Variants in ARHGAP15 observed in about 807,000 individuals in gnomAD.
ARHGAP15 encodes Rho GTPase activating protein 15, also known as rho GTPase-activating protein 15.
A neutral mutation model predicts 63.7 loss-of-function variants in ARHGAP15; 51 were observed. The observed-to-expected ratio is 0.80, with a 90% confidence interval of 0.64 to 1.01. The LOEUF (loss-of-function observed/expected upper bound fraction) is 1.01. ARHGAP15 is among the 50% of genes least tolerant of loss of function. The pLI is 0.00. For missense variants in ARHGAP15, 560 were observed against 564.6 expected (o/e 0.99, Z 0.08); for synonymous variants, 191 against 193.8 (o/e 0.99, Z 0.12).
At chr2:143,546,408 C>T (rs1324503519) in intron 10 of ARHGAP15, among the ~76,000 whole-genome samples, 2 of 151,880 alleles carry the variant, frequency 1.3e-5, no homozygotes, top group Non-Finnish European at 2.9e-5. Context: ...TGTTGGTGAG[C>T]CTTTTATTGT....
intron 6 of ARHGAP15, among the ~76,000 whole-genome samples, chr2:143,264,330 A>T (rs1680887354): frequency 6.6e-6 from 1 of 152,038 alleles, no homozygotes; most frequent in Non-Finnish European, 1.5e-5. Flanking sequence ...AATGGGAAGG[A>T]TATTTTTGCT....
chr2:143,512,612 T>C (rs1693639006), intron 9 of ARHGAP15, among the ~76,000 whole-genome samples: 1 of 152,232 alleles, frequency 6.6e-6, no homozygotes, highest in Non-Finnish European at 1.5e-5. Flanking sequence ...GAAACGTTTG[T>C]CCAATGCTAC....
chr2:143,461,948 C>T (rs1167841510), intron 8 of ARHGAP15, among the ~76,000 whole-genome samples: 2 of 152,058 alleles, frequency 1.3e-5, no homozygotes, highest in South Asian at 2.1e-4. Context: ...TAAGGCTGAT[C>T]GCTTGAGCAG....
At chr2:143,253,351 C>T (rs1457012930) in intron 6 of ARHGAP15, among the ~76,000 whole-genome samples, 1 of 151,922 alleles carries the variant, frequency 6.6e-6, no homozygotes, top group Non-Finnish European at 1.5e-5. Context: ...ACATTTGTGA[C>T]AACCAAAAAT....
rs55804357 is a variant in ARHGAP15, at chr2:143,323,894, C to CAAAAAAAAAA, written c.474+73314_474+73323dup. 4.6e-4 allele frequency among the ~76,000 whole-genome samples: 12 copies of CAAAAAAAAAA among 26,172 alleles called. 1 individual carries two copies. Among genetic ancestry groups the CAAAAAAAAAA allele is most frequent in the African/African-American group, 2.1e-3 (11 of 5,276 alleles). The allele number at this position is 26,172 out of a possible 152,430, so 17.2% of individuals were successfully genotyped here. A position where few individuals can be genotyped will look rare whatever the true frequency, so the allele number is the denominator to read the frequency against. ...TGGGTGACAGAGCAAGACTCCGTCT[C>CAAAAAAAAAA]AAAAAAAAAAAAAAAAAAAAAAAAA... On this transcript the variant is annotated intron_variant, in intron 6 of 13. Coordinates refer to ENST00000295095, the MANE Select transcript of ARHGAP15 (RefSeq NM_018460.4).
chr2:143,646,131 A>G (rs1680865909), intron 12 of ARHGAP15, among the ~76,000 whole-genome samples: 1 of 152,088 alleles, frequency 6.6e-6, no homozygotes, highest in Admixed American at 6.6e-5. Flanking sequence ...GGGGAAACAG[A>G]CATGTGATGA....
intron 9 of ARHGAP15, among the ~76,000 whole-genome samples, chr2:143,507,791 C>G (rs1693389483): frequency 6.6e-6 from 1 of 152,156 alleles, no homozygotes; most frequent in South Asian, 2.1e-4. Context: ...CACCTGGGAT[C>G]ACCCCCGCTT....
At chr2:143,625,871 T>C (rs979649083) in intron 12 of ARHGAP15, among the ~76,000 whole-genome samples, 27 of 152,162 alleles carry the variant, frequency 1.8e-4, no homozygotes, top group African/African-American at 6.3e-4. Flanking sequence ...GGAAATATAC[T>C]TCGGTATGTG....
chr2:143,537,500 T>G (rs1208684057), intron 10 of ARHGAP15, among the ~76,000 whole-genome samples: 1 of 152,242 alleles, frequency 6.6e-6, no homozygotes, highest in Non-Finnish European at 1.5e-5. Flanking sequence ...TCTAGAGTTT[T>G]TATGGTTTTA....
intron 1 of ARHGAP15, among the ~76,000 whole-genome samples, chr2:143,134,858 C>T (rs1211797076): frequency 5.3e-5 from 8 of 151,474 alleles, no homozygotes; most frequent in Non-Finnish European, 1.0e-4. Flanking sequence ...AGGATGGTGT[C>T]GATCTCCTGA....
intron 6 of ARHGAP15, among the ~76,000 whole-genome samples, chr2:143,346,194 TCTCTCTCTCA>T (rs1558909488): frequency 2.2e-5 from 3 of 138,154 alleles, no homozygotes; most frequent in East Asian, 4.2e-4. Flanking sequence ...ACACACACAC[TCTCTCTCTCA>T]CACACACACT....
At chr2:143,217,874 T>C (rs985216700) in intron 4 of ARHGAP15, among the ~76,000 whole-genome samples, 3 of 152,154 alleles carry the variant, frequency 2.0e-5, no homozygotes, top group Non-Finnish European at 4.4e-5. Flanking sequence ...GGTGACAGCA[T>C]TGGTCAGTTC....
At chr2:143,614,288 G>A (rs1434791932) in intron 11 of ARHGAP15, among the ~76,000 whole-genome samples, 1 of 152,086 alleles carries the variant, frequency 6.6e-6, no homozygotes, top group Non-Finnish European at 1.5e-5. Flanking sequence ...TACCGTACTT[G>A]ATTACATTTT....
At chr2:143,199,520 A>G (rs967837576) in intron 2 of ARHGAP15, among the ~76,000 whole-genome samples, 6 of 152,004 alleles carry the variant, frequency 3.9e-5, no homozygotes, top group African/African-American at 1.2e-4. Context: ...AACTCCTTCC[A>G]TCTTGCAACT....
chr2:143,534,070 T>C (rs1003906718), intron 10 of ARHGAP15, among the ~76,000 whole-genome samples: 3 of 152,192 alleles, frequency 2.0e-5, no homozygotes, highest in African/African-American at 4.8e-5. Context: ...TCTTCTTGAA[T>C]TGTAATCTCC....
At chr2:143,540,939 G>T (rs1381702845) in intron 10 of ARHGAP15, among the ~76,000 whole-genome samples, 1 of 152,106 alleles carries the variant, frequency 6.6e-6, no homozygotes, top group Non-Finnish European at 1.5e-5. Flanking sequence ...GCTAGATTGG[G>T]GAAGTTCTCC....
intron 12 of ARHGAP15, among the ~76,000 whole-genome samples, chr2:143,660,613 C>A (rs1456849171): frequency 6.6e-6 from 1 of 152,150 alleles, no homozygotes; most frequent in African/African-American, 2.4e-5. Flanking sequence ...GTGTAAAACT[C>A]AATGAACTGT....
chr2:143,443,924 A>G (rs996304631), intron 8 of ARHGAP15, among the ~76,000 whole-genome samples: 12 of 152,280 alleles, frequency 7.9e-5, no homozygotes, highest in African/African-American at 2.6e-4. Context: ...TCAATGAATC[A>G]TTTGATAAGA....
At chr2:143,243,014 A>T (rs6738149) in intron 5 of ARHGAP15, among the ~76,000 whole-genome samples, 1 of 152,104 alleles carries the variant, frequency 6.6e-6, no homozygotes, top group Non-Finnish European at 1.5e-5. Flanking sequence ...TATTTCATAA[A>T]ATCCGAGCTT....
Sources: gnomAD v4.1 joint callset for allele counts (sites outside exome capture counted in the v4.1 genomes callset) on GRCh38, gnomAD v4.1.1 for gene constraint, MANE v1.5 for transcripts, NCBI Gene and HGNC (gene_info 2026-07-23, HGNC 2026-07-21) for gene names.